ITIH2: variants seen among roughly 807,000 people sequenced by gnomAD.
ITIH2 encodes inter-alpha-trypsin inhibitor heavy chain 2, also known as inter-alpha-trypsin inhibitor heavy chain H2.
ITIH2 carries 103 observed loss-of-function variants against 104.4 expected under a neutral mutation model. That is an observed-to-expected ratio of 0.99 (90% confidence interval 0.84 to 1.16). The LOEUF is 1.16. Ranked by LOEUF, ITIH2 falls within the 50% of genes most tolerant of loss-of-function variation. The pLI is 0.00. For synonymous variants in ITIH2, 436 were observed against 435.4 expected, an observed-to-expected ratio of 1.00 and a Z score of -0.02; for missense variants, 1,108 against 1,162.4, an observed-to-expected ratio of 0.95 and a Z score of 0.68.
rs373536921 is a variant in ITIH2, at chr10:7,734,602, G to C, written c.1788-320G>C. On this transcript the variant is annotated intron_variant, in intron 14 of 20. Coordinates refer to ENST00000358415, the MANE Select transcript of ITIH2 (RefSeq NM_002216.3). Reference sequence around the variant, plus strand: ...CTCAGCTACTCAGGAGGCTGAGGGAGGAGGATCTCTTGAGCCCAGGAGGTT... The same window carrying C: ...CTCAGCTACTCAGGAGGCTGAGGGACGAGGATCTCTTGAGCCCAGGAGGTT... Among the ~76,000 whole-genome samples the C allele has an allele frequency of 2.0e-4, 30 of 152,276 alleles. No homozygotes were observed. In the South Asian group the frequency reaches 5.8e-3, roughly 29 times the overall value.
chr10:7,707,691 A>T (rs1030672589), intron 3 of ITIH2, among the ~76,000 whole-genome samples: 4 of 152,020 alleles, frequency 2.6e-5, no homozygotes, highest in African/African-American at 9.7e-5. Flanking sequence ...CAGCCTCTCA[A>T]GTAGCTGGGA....
At chr10:7,709,319 T>A in intron 4 of ITIH2, 128 bp downstream of exon 4, 2 of 789,928 alleles carry the variant, frequency 2.5e-6, no homozygotes, top group Non-Finnish European at 4.2e-6. Context: ...AGGGTCATTG[T>A]GAGGTTGGTC....
chr10:7,705,629 A>G (rs1834739199), intron 2 of ITIH2, among the ~76,000 whole-genome samples: 1 of 149,758 alleles, frequency 6.7e-6, no homozygotes, highest in African/African-American at 2.5e-5. Flanking sequence ...TGAACCCAAG[A>G]GTTCGAGGCT....
chr10:7,706,478 T>C (rs775543183), intron 2 of ITIH2, among the ~76,000 whole-genome samples: 18 of 152,204 alleles, frequency 1.2e-4, no homozygotes, highest in Non-Finnish European at 2.4e-4. Flanking sequence ...GTTAAAAGCA[T>C]AGAATTTTCT....
At chr10:7,735,205 C>CT in intron 15 of ITIH2, 114 bp downstream of exon 15, 1 of 894,488 alleles carries the variant, frequency 1.1e-6, no homozygotes, top group South Asian at 1.9e-5. Context: ...GCTCCCAGCC[C>CT]TGGGCCCTCC....
At position 7,713,254 on chromosome 10, in the gene ITIH2, A is replaced by G; in HGVS notation, c.436A>G (p.Arg146Gly). Residue 146 changes from arginine to glycine, a missense_variant, in exon 5 of 21, where the codon AGA becomes GGA. Transcript: ENST00000358415. Reference sequence around the variant, plus strand: ...GGGCCGAGCTCTTTATGCACAGGCCAGAGCAAAAGGCAAGACGGCTGGCTT... The same window carrying G: ...GGGCCGAGCTCTTTATGCACAGGCCGGAGCAAAAGGCAAGACGGCTGGCTT... ...TVGRALYAQA[R>G]AKGKTAGLVR... The G allele has an allele frequency of 6.2e-7, 1 of 1,614,186 alleles. No individual in the cohort carries two copies. Among genetic ancestry groups the G allele is most frequent in the Non-Finnish European group, 8.5e-7 (1 of 1,180,002 alleles).
Position 7,743,178 on chromosome 10 carries a change from C to A in ITIH2, c.2128C>A (p.Pro710Thr). ...ENDPHFIIYL[P>T]KSQKNICFNI... ...TGACCCACATTTCATCATTTATCTA[C>A]CAAAAAGCCAAAAGAACATTTGTTT... The change falls in exon 17 of 21, where the codon CCA becomes ACA. Residue 710 changes from proline (P) to threonine (T), a missense_variant. Pro to Thr is a conservative substitution (Grantham distance 38). Coordinates refer to ENST00000358415, the MANE Select transcript of ITIH2 (RefSeq NM_002216.3). 6.3e-7 allele frequency: 1 copy of A among 1,583,814 alleles called. No homozygotes were observed. The highest frequency in any genetic ancestry group is 8.6e-7 in the Non-Finnish European group (1 of 1,164,804).
At chr10:7,736,516 T>C (rs1835056617) in intron 15 of ITIH2, among the ~76,000 whole-genome samples, 1 of 152,202 alleles carries the variant, frequency 6.6e-6, no homozygotes, top group African/African-American at 2.4e-5. Flanking sequence ...AAAAAGTTTA[T>C]ACATTTTAAT....
chr10:7,709,128 A>G lies in ITIH2; in HGVS notation c.299A>G (p.Gln100Arg), dbSNP rs1157335138. 1 of 1,614,182 alleles carries G rather than the reference A, an allele frequency of 6.2e-7. No homozygotes were observed. The highest frequency in any genetic ancestry group is 1.6e-4 in the Middle Eastern group (1 of 6,062). ...AGCAAAGTGGTGAACAATTCCCCGC[A>G]GCCTCAGAATGTCGTGTTTGATGTT... The part of the protein sequence containing the change: ...IQSKVVNNSP[Q>R]PQNVVFDVQI... Residue 100 changes from glutamine to arginine, a missense_variant, in exon 4 of 21, where the codon CAG (glutamine) becomes CGG (arginine). Gln to Arg is a conservative substitution (Grantham distance 43). Coordinates refer to ENST00000358415, the MANE Select transcript of ITIH2 (RefSeq NM_002216.3).
chr10:7,738,844 G>A lies in ITIH2; in HGVS notation c.2095+86G>A, dbSNP rs1036891645. The A allele has an allele frequency of 6.2e-5, 85 of 1,368,130 alleles. 1 individual carries two copies. Among genetic ancestry groups the A allele is most frequent in the East Asian group, 2.7e-5 (1 of 37,382 alleles). The allele number at this position is 1,368,130 out of a possible 1,614,324, so 84.7% of individuals were successfully genotyped here. ...TTGTGTGCATGAGGCCAGGTGCAGC[G>A]GCTCACGCCTGTAATCGCAGCACTT... is the stretch of plus-strand genomic sequence containing the variant. On this transcript the variant is annotated intron_variant, in intron 16 of 20. Coordinates refer to ENST00000358415, the MANE Select transcript of ITIH2 (RefSeq NM_002216.3).
At chr10:7,723,628 A>T in intron 9 of ITIH2, 61 bp downstream of exon 9, 1 of 1,037,522 alleles carries the variant, frequency 9.6e-7, no homozygotes. Context: ...ATCCCCTCCT[A>T]AAAATGCAAT....
intron 20 of ITIH2, among the ~76,000 whole-genome samples, chr10:7,747,767 A>G (rs536193772): frequency 1.3e-5 from 2 of 152,170 alleles, no homozygotes; most frequent in East Asian, 3.9e-4. Context: ...GGTGTAGTAG[A>G]TTCTGCCTAT....
intron 5 of ITIH2, among the ~76,000 whole-genome samples, chr10:7,714,142 A>G (rs1834823619): frequency 7.2e-6 from 1 of 137,952 alleles, no homozygotes; most frequent in African/African-American, 2.7e-5. Context: ...TCACCTTCTC[A>G]CTCCTTGCAC....
chr10:7,718,201 T>A (rs1211217110), intron 6 of ITIH2, among the ~76,000 whole-genome samples: 1 of 152,126 alleles, frequency 6.6e-6, no homozygotes, highest in Non-Finnish European at 1.5e-5. Context: ...TGTAGTCAGA[T>A]CACTCCAATC....
chr10:7,740,194 A>G (rs1044301951), intron 16 of ITIH2, among the ~76,000 whole-genome samples: 1 of 152,172 alleles, frequency 6.6e-6, no homozygotes, highest in Non-Finnish European at 1.5e-5. Context: ...TCAAAATAAA[A>G]TAGGATAAGA....
In ITIH2 at chr10:7,709,073, A is replaced by C. The variant is rs1313251820; in HGVS notation, c.244A>C (p.Thr82Pro). 1 of 1,613,988 alleles carries C rather than the reference A, an allele frequency of 6.2e-7. No individual in the cohort carries two copies. The highest frequency in any genetic ancestry group is 2.2e-5 in the East Asian group (1 of 44,874). The change falls in exon 4 of 21, where the codon ACT (threonine) becomes CCT (proline). Residue 82 changes from threonine to proline, a missense_variant. Transcript: ENST00000358415. ...LYSYKVQSTI[T>P]SRMATTMIQS... Reference sequence around the variant, plus strand: ...TAGCTATAAAGTCCAGTCTACTATTACTTCTCGGATGGCCACCACCATGAT... The same window carrying C: ...TAGCTATAAAGTCCAGTCTACTATTCCTTCTCGGATGGCCACCACCATGAT...
In ITIH2 at chr10:7,727,749, T is replaced by G; in HGVS notation, c.1200T>G (p.Asn400Lys). 1 of 1,614,178 alleles carries G rather than the reference T, an allele frequency of 6.2e-7. No homozygotes were observed. ...EALLRAIFILNEANNLGLLDP... is the reference protein window; with the variant it reads ...EALLRAIFILKEANNLGLLDP... The stretch of plus-strand genomic sequence containing the variant: ...TCCTACGGGCAATCTTCATTTTGAA[T>G]GAAGCCAATAACTTGGGACTGTTAG... Residue 400 changes from asparagine to lysine, a missense_variant, in exon 11 of 21, where the codon AAT becomes AAG. Physicochemically the swap from Asn to Lys is moderately conservative, Grantham distance 94 (BLOSUM62 0). Transcript: ENST00000358415.
Position 7,709,032 on chromosome 10 carries a change from A to C in ITIH2, c.203A>C (p.Asp68Ala). Residue 68 changes from aspartate to alanine, a missense_variant, in exon 4 of 21, where the codon GAT becomes GCT. Asp to Ala is a moderately radical substitution (Grantham distance 126, BLOSUM62 -2). Coordinates refer to ENST00000358415, the MANE Select transcript of ITIH2 (RefSeq NM_002216.3). Reference protein sequence around the residue: ...GESEEMMEEVDQVTLYSYKVQ... With the variant: ...GESEEMMEEVAQVTLYSYKVQ... ...TCTTGCCAATTTCAGGAAGAGGTTG[A>C]TCAAGTAACTCTTTATAGCTATAAA... The C allele has an allele frequency of 6.2e-7, 1 of 1,613,908 alleles. No individual in the cohort carries two copies. The highest frequency in any genetic ancestry group is 8.5e-7 in the Non-Finnish European group (1 of 1,179,820).
In ITIH2 at chr10:7,730,061, G is replaced by A. The variant is rs1332282712; in HGVS notation, c.1389G>A (p.Lys463=). 1.9e-6 allele frequency: 3 copies of A among 1,613,222 alleles called. No homozygotes were observed. Among genetic ancestry groups the A allele is most frequent in the South Asian group, 1.1e-5 (1 of 91,028 alleles). Residue 463 remains lysine (K), a synonymous_variant, in exon 12 of 21, where the codon AAG becomes AAA. Coordinates refer to ENST00000358415, the MANE Select transcript of ITIH2 (RefSeq NM_002216.3). ...MGFDVDYDFL[K]RLSNENHGIA... ...TTGATGTGGACTATGATTTTTTGAA[G>A]AGACTGTCCAATGAAAACCATGGAA... is the stretch of plus-strand genomic sequence containing the variant.
Sources: gnomAD v4.1 joint callset for allele counts (sites outside exome capture counted in the v4.1 genomes callset) on GRCh38, gnomAD v4.1.1 for gene constraint, MANE v1.5 for transcripts, NCBI Gene and HGNC (gene_info 2026-07-23, HGNC 2026-07-21) for gene names.